The following JARID2 variants were observed in gnomAD, a reference collection of about 807,000 sequenced individuals.
The protein encoded by JARID2 is jumonji and AT-rich interaction domain containing 2.
JARID2 carries 21 observed loss-of-function variants against 125.6 expected under a neutral mutation model. The observed-to-expected ratio is 0.17, with a 90% confidence interval of 0.12 to 0.24. The LOEUF is 0.24. Ranked by LOEUF, JARID2 falls within the 10% of genes least tolerant of loss-of-function variation. JARID2 has a pLI of 1.00. For missense variants in JARID2, 1,303 were observed against 1,639.6 expected, an observed-to-expected ratio of 0.79 and a Z score of 3.55; for synonymous variants, 736 against 661.6, an observed-to-expected ratio of 1.11 and a Z score of -1.73.
intron 1 of JARID2, among the ~76,000 whole-genome samples, chr6:15,275,141 T>C (rs1760446796): frequency 6.6e-6 from 1 of 152,182 alleles, no homozygotes; most frequent in Non-Finnish European, 1.5e-5. Context: ...GAAGAGCTGT[T>C]TGATCTCTCC....
At chr6:15,425,148 T>G (rs1341748677) in intron 3 of JARID2, among the ~76,000 whole-genome samples, 1 of 152,196 alleles carries the variant, frequency 6.6e-6, no homozygotes, top group Non-Finnish European at 1.5e-5. Flanking sequence ...GCCATCATAA[T>G]GTACTGATGA....
At chr6:15,307,518 G>GTTTTT (rs1761874412) in intron 1 of JARID2, among the ~76,000 whole-genome samples, 1 of 152,040 alleles carries the variant, frequency 6.6e-6, no homozygotes, top group African/African-American at 2.4e-5. Context: ...GTTTTGTTTT[G>GTTTTT]TTTTTAGTAC....
chr6:15,350,745 T>TC (rs1237208977), intron 1 of JARID2, among the ~76,000 whole-genome samples: 1 of 151,946 alleles, frequency 6.6e-6, no homozygotes, highest in Non-Finnish European at 1.5e-5. Flanking sequence ...TTTTTTTTTT[T>TC]TTTTGAATTA....
intron 3 of JARID2, among the ~76,000 whole-genome samples, chr6:15,428,981 G>T: frequency 7.0e-6 from 1 of 143,312 alleles, no homozygotes; most frequent in East Asian, 2.1e-4. Flanking sequence ...CTCATTAATT[G>T]TCTTGATAGC....
chr6:15,364,157 T>G (rs201093734), intron 1 of JARID2, among the ~76,000 whole-genome samples: 4 of 152,058 alleles, frequency 2.6e-5, no homozygotes, highest in South Asian at 4.2e-4. Flanking sequence ...AGCGAGTCAG[T>G]CAGGCATTGA....
intron 1 of JARID2, among the ~76,000 whole-genome samples, chr6:15,252,130 C>G (rs771923487): frequency 9.2e-5 from 14 of 152,150 alleles, no homozygotes; most frequent in Non-Finnish European, 1.5e-5. Context: ...AAGTGATTCC[C>G]TTTTAAGAAC....
chr6:15,506,542 G>T (rs1290273984), intron 9 of JARID2, among the ~76,000 whole-genome samples: 2 of 152,148 alleles, frequency 1.3e-5, no homozygotes, highest in Admixed American at 1.3e-4. Context: ...GACGAGGGAA[G>T]AGGACTTAGT....
intron 5 of JARID2, among the ~76,000 whole-genome samples, chr6:15,474,424 C>T (rs1336441899): frequency 6.7e-6 from 1 of 148,930 alleles, no homozygotes; most frequent in Non-Finnish European, 1.5e-5. Flanking sequence ...ATGTCTTTGC[C>T]ACCATCGAAC....
At chr6:15,495,701 G>A (rs1770380524) in intron 6 of JARID2, among the ~76,000 whole-genome samples, 2 of 152,324 alleles carry the variant, frequency 1.3e-5, no homozygotes, top group Admixed American at 1.3e-4. Context: ...AGGGATATGT[G>A]TGTGTGTCTG....
At chr6:15,379,611 AG>A (rs907759300) in intron 2 of JARID2, among the ~76,000 whole-genome samples, 2 of 152,220 alleles carry the variant, frequency 1.3e-5, no homozygotes, top group African/African-American at 4.8e-5. Context: ...ATGAGATTTA[AG>A]GGACCCTGGA....
intron 1 of JARID2, among the ~76,000 whole-genome samples, chr6:15,309,627 A>G (rs1581396597): frequency 6.6e-6 from 1 of 152,130 alleles, no homozygotes; most frequent in East Asian, 1.9e-4. Context: ...AATTTAGTAA[A>G]TATATGTATA....
chr6:15,487,945 T>C (rs985023122), intron 6 of JARID2, among the ~76,000 whole-genome samples: 4 of 152,174 alleles, frequency 2.6e-5, no homozygotes, highest in African/African-American at 9.7e-5. Flanking sequence ...TCTGTTCTTT[T>C]TGATGTGACA....
At chr6:15,423,899 C>T (rs766765685) in intron 3 of JARID2, among the ~76,000 whole-genome samples, 4 of 152,110 alleles carry the variant, frequency 2.6e-5, no homozygotes, top group Non-Finnish European at 5.9e-5. Context: ...GGTGCCCTGT[C>T]TTTGGGTGGA....
At chr6:15,257,840 C>A (rs997757276) in intron 1 of JARID2, among the ~76,000 whole-genome samples, 2 of 152,146 alleles carry the variant, frequency 1.3e-5, no homozygotes, top group Non-Finnish European at 2.9e-5. Context: ...CTATTTTCTT[C>A]CTGTGTCCTC....
intron 3 of JARID2, among the ~76,000 whole-genome samples, chr6:15,416,664 A>G (rs1204298651): frequency 4.4e-5 from 6 of 135,094 alleles, no homozygotes; most frequent in African/African-American, 1.4e-4. Flanking sequence ...GCTTGGCATC[A>G]GTGGGAGACC....
chr6:15,468,870 G>C, intron 5 of JARID2, 152 bp downstream of exon 5: 3 of 665,730 alleles, frequency 4.5e-6, no homozygotes, highest in Admixed American at 3.0e-5. Context: ...GGGATTATTA[G>C]TGTAGCTTAG....
chr6:15,494,250 A>G (rs1332399866), intron 6 of JARID2, among the ~76,000 whole-genome samples: 4 of 152,104 alleles, frequency 2.6e-5, no homozygotes, highest in Non-Finnish European at 5.9e-5. Flanking sequence ...CGCGGTCCCC[A>G]GGTCAGCACA....
At chr6:15,510,729 A>G (rs748668577) in intron 12 of JARID2, among the ~76,000 whole-genome samples, 1 of 152,140 alleles carries the variant, frequency 6.6e-6, no homozygotes, top group Non-Finnish European at 1.5e-5. Flanking sequence ...CTACTTCACC[A>G]CAGCATCTGC....
At chr6:15,386,258 GTTC>G (rs1203915025) in intron 2 of JARID2, among the ~76,000 whole-genome samples, 1 of 137,092 alleles carries the variant, frequency 7.3e-6, no homozygotes, top group Admixed American at 8.1e-5. Context: ...CCCTCTCCCT[GTTC>G]TTCTCCCCCT....
Sources: gnomAD v4.1 joint callset for allele counts (sites outside exome capture counted in the v4.1 genomes callset) on GRCh38, gnomAD v4.1.1 for gene constraint, MANE v1.5 for transcripts, NCBI Gene and HGNC (gene_info 2026-07-23, HGNC 2026-07-21) for gene names.